Variants in KIF13B observed in about 807,000 individuals in gnomAD.
KIF13B encodes the protein kinesin family member 13B.
KIF13B carries 127 observed loss-of-function variants against 222.0 expected under a neutral mutation model. The ratio of observed to expected loss-of-function variants is 0.57; its 90% CI spans 0.50 to 0.66. KIF13B has a LOEUF of 0.66. Ranked by LOEUF, KIF13B falls within the 30% of genes least tolerant of loss-of-function variation. The probability of loss-of-function intolerance (pLI) is 0.00; values close to 1 mark genes in which losing one functional copy is unlikely to be tolerated. For missense variants in KIF13B, 2,173 were observed against 2,379.0 expected (o/e 0.91, Z 1.80); for synonymous variants, 976 against 919.0 (o/e 1.06, Z -1.12).
At chr8:29,226,304 G>A (rs1194615986) in intron 2 of KIF13B, among the ~76,000 whole-genome samples, 2 of 152,314 alleles carry the variant, frequency 1.3e-5, no homozygotes, top group East Asian at 3.9e-4. Flanking sequence ...TCACATTATA[G>A]ATGGAATTTT....
In KIF13B at chr8:29,111,575, A is replaced by T. The variant is rs1334628984; in HGVS notation, c.3931-1505T>A. 2.6e-5 allele frequency among the ~76,000 whole-genome samples: 4 copies of T among 152,330 alleles called. No homozygotes were observed. In the South Asian group the frequency reaches 8.3e-4, roughly 32 times the overall value. The stretch of plus-strand genomic sequence containing the variant: ...AGCTAACTAACAGCAAATTCACATG[A>T]GGTTATGTTTATCTTCAAGCTGATC... On this transcript the variant is annotated intron_variant, in intron 32 of 39. Transcript: ENST00000524189.
At chr8:29,191,958 G>A (rs1563774847) in intron 3 of KIF13B, among the ~76,000 whole-genome samples, 1 of 152,194 alleles carries the variant, frequency 6.6e-6, no homozygotes, top group African/African-American at 2.4e-5. Context: ...TTGGGAGTCT[G>A]TTGCTATGCT....
In KIF13B at chr8:29,186,774, C is replaced by T. The variant is rs181448408; in HGVS notation, c.317-302G>A. Among the ~76,000 whole-genome samples the T allele has an allele frequency of 7.8e-3, 1,185 of 150,976 alleles. 6 individuals are homozygous for T. The highest frequency in any genetic ancestry group is 0.013 in the African/African-American group (527 of 41,112). On this transcript the variant is annotated intron_variant, in intron 5 of 39. Transcript: ENST00000524189. Reference sequence around the variant, plus strand: ...AGGAGTTCGAGATCAGCCTGGGCAACAAGGTGAAACCCCGTCTCTACTAAA... The same window carrying T: ...AGGAGTTCGAGATCAGCCTGGGCAATAAGGTGAAACCCCGTCTCTACTAAA...
intron 12 of KIF13B, among the ~76,000 whole-genome samples, chr8:29,163,968 G>A (rs1284966607): frequency 1.3e-5 from 2 of 152,194 alleles, no homozygotes; most frequent in African/African-American, 4.8e-5. Context: ...GATATGTAAT[G>A]AGAAATAGTT....
chr8:29,250,206 C>A, intron 1 of KIF13B: 1 of 414,408 alleles, frequency 2.4e-6, no homozygotes, highest in South Asian at 1.9e-5. Context: ...ACTCTAAGTG[C>A]CGTTCTCATA....
intron 35 of KIF13B, among the ~76,000 whole-genome samples, chr8:29,103,614 T>A (rs889447658): frequency 3.9e-5 from 6 of 152,214 alleles, no homozygotes; most frequent in African/African-American, 1.4e-4. Context: ...AACAAAACTA[T>A]TTTTTAAGAT....
rs35539806 is a variant in KIF13B at position 29,107,562 on chromosome 8, C to CT, written c.4215+576dup. On this transcript the variant is annotated intron_variant, in intron 35 of 39. Coordinates refer to ENST00000524189, the MANE Select transcript of KIF13B (RefSeq NM_015254.4). Reference sequence around the variant, plus strand: ...ACACACAAAATCTAATTTGAAGTTTCTTTTTTTTTTTTTTTTTGAGACAGA... The same window carrying CT: ...ACACACAAAATCTAATTTGAAGTTTCTTTTTTTTTTTTTTTTTTGAGACAGA... 4.4e-3 allele frequency among the ~76,000 whole-genome samples: 587 copies of CT among 134,810 alleles called. 4 individuals are homozygous for CT. Among genetic ancestry groups the CT allele is most frequent in the East Asian group, 7.2e-3 (33 of 4,596 alleles). 88.4% of individuals were successfully genotyped at this position (134,810 alleles called of 152,430 possible).
chr8:29,193,789 T>C (rs1407028192), intron 3 of KIF13B, among the ~76,000 whole-genome samples: 1 of 152,226 alleles, frequency 6.6e-6, no homozygotes, highest in Non-Finnish European at 1.5e-5. Flanking sequence ...AGATGCTATG[T>C]AAATAGTTGT....
intron 38 of KIF13B, among the ~76,000 whole-genome samples, chr8:29,073,023 G>A (rs569695102): frequency 5.3e-5 from 8 of 151,124 alleles, no homozygotes; most frequent in African/African-American, 7.3e-5. Flanking sequence ...AAGGAGCCAC[G>A]GGCCTGCAGC....
intron 19 of KIF13B, among the ~76,000 whole-genome samples, chr8:29,141,750 C>T (rs530356055): frequency 6.6e-6 from 1 of 152,076 alleles, no homozygotes; most frequent in African/African-American, 2.4e-5. Context: ...AAGATACCAC[C>T]GATGTTCAAC....
chr8:29,232,044 C>T (rs1008570226), intron 2 of KIF13B, among the ~76,000 whole-genome samples: 15 of 152,252 alleles, frequency 9.9e-5, no homozygotes, highest in Non-Finnish European at 1.8e-4. Context: ...CACGTGAGCC[C>T]AGGAGTGTGA....
chr8:29,202,459 A>G (rs1813738810), intron 2 of KIF13B, among the ~76,000 whole-genome samples: 2 of 152,174 alleles, frequency 1.3e-5, no homozygotes, highest in Admixed American at 1.3e-4. Context: ...CTGGGACTAC[A>G]GGCACCCACC....
intron 14 of KIF13B, among the ~76,000 whole-genome samples, chr8:29,151,381 T>C (rs1348678463): frequency 6.6e-6 from 1 of 152,152 alleles, no homozygotes; most frequent in East Asian, 1.9e-4. Context: ...ACTGATGAGA[T>C]TTTTGATGTA....
chr8:29,140,333 A>C, intron 20 of KIF13B, 135 bp downstream of exon 20: 1 of 1,380,624 alleles, frequency 7.2e-7, no homozygotes, highest in African/African-American at 1.4e-5. Flanking sequence ...CAGTTACTCT[A>C]CCCTAAGAGT....
At chr8:29,203,892 C>CAAAAAA (rs11432771) in intron 2 of KIF13B, among the ~76,000 whole-genome samples, 5 of 66,140 alleles carry the variant, frequency 7.6e-5, no homozygotes, top group Admixed American at 2.1e-4. Context: ...AGTTCCGTCT[C>CAAAAAA]AAAAAAAAAA....
At chr8:29,255,913 G>A (rs971566760) in intron 1 of KIF13B, among the ~76,000 whole-genome samples, 14 of 151,990 alleles carry the variant, frequency 9.2e-5, no homozygotes, top group African/African-American at 2.9e-4. Context: ...TCCTGAGGTT[G>A]CTCTTCTTGG....
intron 32 of KIF13B, among the ~76,000 whole-genome samples, chr8:29,112,540 G>A (rs537251308): frequency 3.9e-5 from 6 of 152,116 alleles, no homozygotes; most frequent in Non-Finnish European, 7.4e-5. Flanking sequence ...CTGAAATGAC[G>A]GGAACTGGTG....
intron 10 of KIF13B, among the ~76,000 whole-genome samples, chr8:29,169,761 A>T (rs1368330790): frequency 6.6e-6 from 1 of 152,234 alleles, no homozygotes; most frequent in Non-Finnish European, 1.5e-5. Context: ...AAAATTCATG[A>T]AGAGTCCCAT....
At chr8:29,192,676 G>A (rs1222091773) in intron 3 of KIF13B, among the ~76,000 whole-genome samples, 1 of 152,162 alleles carries the variant, frequency 6.6e-6, no homozygotes, top group Non-Finnish European at 1.5e-5. Flanking sequence ...TGGACCAGAA[G>A]TCTAAAAGGT....
Sources: allele counts gnomAD v4.1 joint callset (sites outside exome capture counted in the v4.1 genomes callset), GRCh38; gene constraint gnomAD v4.1.1; transcripts MANE v1.5; gene names NCBI Gene and HGNC (gene_info 2026-07-23, HGNC 2026-07-21).